The following PHF21A variants were observed in gnomAD, a reference collection of about 807,000 sequenced individuals.
PHF21A encodes the protein PHD finger protein 21A.
PHF21A carries 11 observed loss-of-function variants against 82.5 expected under a neutral mutation model. The ratio of observed to expected loss-of-function variants is 0.13; its 90% CI spans 0.08 to 0.22. The LOEUF (loss-of-function observed/expected upper bound fraction) is 0.22, where lower values mean the gene tolerates loss of function less well. Ranked by LOEUF, PHF21A falls within the 10% of genes least tolerant of loss-of-function variation. The probability of loss-of-function intolerance (pLI) is 1.00; values close to 1 mark genes in which losing one functional copy is unlikely to be tolerated. For missense variants in PHF21A, 579 were observed against 837.8 expected (o/e 0.69, Z 3.81); for synonymous variants, 297 against 302.8 (o/e 0.98, Z 0.20).
intron 3 of PHF21A, among the ~76,000 whole-genome samples, chr11:46,086,068 A>G (rs2096852981): frequency 1.3e-5 from 2 of 152,182 alleles, no homozygotes; most frequent in South Asian, 2.1e-4. Context: ...GTTATTAACA[A>G]TTTAGAAAGG....
At position 46,092,167 on chromosome 11, in the gene PHF21A, T is replaced by A. The variant is rs2096933472; in HGVS notation, c.-196+16A>T. The A allele has an allele frequency of 6.6e-6, 1 of 151,784 alleles. No individual in the cohort carries two copies. The highest frequency in any genetic ancestry group is 6.6e-5 in the Admixed American group (1 of 15,234). 9.4% of individuals were successfully genotyped at this position (151,784 alleles called of 1,614,324 possible). A position where few individuals can be genotyped will look rare whatever the true frequency, so the allele number is the denominator to read the frequency against. ...CAGGATCAGGCACACGATGTCTACC[T>A]AGTCAAAGTACTTACCAATTTTGGG... is the stretch of plus-strand genomic sequence containing the variant. On this transcript the variant is annotated intron_variant, in intron 2 of 18. Coordinates refer to ENST00000676320, the MANE Select transcript of PHF21A (RefSeq NM_001352027.3).
At chr11:45,972,339 A>T (rs760172996) in intron 7 of PHF21A, among the ~76,000 whole-genome samples, 7 of 152,192 alleles carry the variant, frequency 4.6e-5, no homozygotes, top group Non-Finnish European at 1.0e-4. Flanking sequence ...TGGCCTAAAC[A>T]TCTATCTGGA....
chr11:46,066,858 C>T (rs941646055), intron 6 of PHF21A, among the ~76,000 whole-genome samples: 3 of 152,180 alleles, frequency 2.0e-5, no homozygotes, highest in Non-Finnish European at 4.4e-5. Flanking sequence ...TTTTCCCATG[C>T]ATTTTCAAGT....
At chr11:45,943,557 C>A (rs1379157658) in intron 15 of PHF21A, among the ~76,000 whole-genome samples, 2 of 152,192 alleles carry the variant, frequency 1.3e-5, no homozygotes, top group Non-Finnish European at 2.9e-5. Context: ...TCCCTATAGG[C>A]CCTTTTCTTC....
At chr11:46,053,812 AT>A (rs920959954) in intron 6 of PHF21A, among the ~76,000 whole-genome samples, 2 of 152,218 alleles carry the variant, frequency 1.3e-5, no homozygotes, top group Admixed American at 6.5e-5. Context: ...TTCTTCAAGT[AT>A]TTTTTTGTGA....
chr11:46,091,837 AC>A (rs10718094), intron 2 of PHF21A, among the ~76,000 whole-genome samples: 152,342 of 152,342 alleles, frequency 1, 76,171 homozygotes, highest in Non-Finnish European at 1. Flanking sequence ...ATAGGCACAC[AC>A]CCACTGGGCC....
chr11:45,950,353 A>C, intron 11 of PHF21A, 96 bp from the exon 12 acceptor site: 2 of 964,090 alleles, frequency 2.1e-6, no homozygotes, highest in Non-Finnish European at 3.2e-6. Context: ...AGCCAGCCCA[A>C]TGGGCGGGTC....
At chr11:46,022,387 T>G (rs1299913880) in intron 6 of PHF21A, among the ~76,000 whole-genome samples, 1 of 152,092 alleles carries the variant, frequency 6.6e-6, no homozygotes, top group Non-Finnish European at 1.5e-5. Flanking sequence ...CCCAGGAGAT[T>G]GAGGCTGCAG....
At chr11:45,972,715 A>T (rs558922647) in intron 7 of PHF21A, among the ~76,000 whole-genome samples, 1 of 152,092 alleles carries the variant, frequency 6.6e-6, no homozygotes. Context: ...GGAGTTCGAG[A>T]CCAGCCTGGC....
intron 6 of PHF21A, among the ~76,000 whole-genome samples, chr11:46,059,554 T>C (rs911297940): frequency 1.3e-5 from 2 of 152,030 alleles, no homozygotes; most frequent in African/African-American, 4.8e-5. Context: ...GCTTCCCAAG[T>C]AGCTGGGACT....
At chr11:46,022,069 G>A (rs946582283) in intron 6 of PHF21A, among the ~76,000 whole-genome samples, 1 of 152,188 alleles carries the variant, frequency 6.6e-6, no homozygotes, top group African/African-American at 2.4e-5. Flanking sequence ...AGGAACAAGA[G>A]AATGACATAA....
intron 6 of PHF21A, among the ~76,000 whole-genome samples, chr11:45,995,431 C>G (rs1035592275): frequency 3.3e-5 from 5 of 152,144 alleles, no homozygotes; most frequent in African/African-American, 1.2e-4. Context: ...CATACCTATA[C>G]TTCACAGCAT....
chr11:45,952,662 G>A (rs968613639), intron 11 of PHF21A, among the ~76,000 whole-genome samples: 29 of 152,056 alleles, frequency 1.9e-4, no homozygotes, highest in Admixed American at 1.3e-3. Context: ...ATTACATTTC[G>A]TACTTGTTTT....
Position 46,107,528 on chromosome 11 carries a change from A to G in PHF21A, c.-237+13407T>C, listed in dbSNP as rs151158619. On this transcript the variant is annotated intron_variant, in intron 1 of 18. Coordinates refer to ENST00000676320, the MANE Select transcript of PHF21A (RefSeq NM_001352027.3). Reference sequence around the variant, plus strand: ...TTTAAATAAACTGCTACATTCTACCAGGTCCAATTCTTAGAATTTTACGGC... The same window carrying G: ...TTTAAATAAACTGCTACATTCTACCGGGTCCAATTCTTAGAATTTTACGGC... 5.7e-3 allele frequency among the ~76,000 whole-genome samples: 865 copies of G among 152,336 alleles called. 5 individuals carry two copies. Among genetic ancestry groups the G allele is most frequent in the African/African-American group, 0.02 (828 of 41,572 alleles).
chr11:45,938,392 A>G (rs556136651), intron 15 of PHF21A, 80 bp from the exon 16 acceptor site: 1 of 1,167,780 alleles, frequency 8.6e-7, no homozygotes, highest in Non-Finnish European at 1.2e-6. Context: ...CTAGATGCAT[A>G]TAAATGTTTT....
At chr11:45,948,432 C>T (rs1463886556) in intron 14 of PHF21A, among the ~76,000 whole-genome samples, 2 of 152,220 alleles carry the variant, frequency 1.3e-5, no homozygotes, top group African/African-American at 4.8e-5. Flanking sequence ...GTGGCTACCT[C>T]TTTCCTTCCT....
At chr11:46,026,173 G>A (rs919057173) in intron 6 of PHF21A, among the ~76,000 whole-genome samples, 3 of 152,100 alleles carry the variant, frequency 2.0e-5, no homozygotes, top group Non-Finnish European at 4.4e-5. Context: ...CGTTATATTT[G>A]GCTTTAAAAT....
intron 4 of PHF21A, among the ~76,000 whole-genome samples, chr11:46,081,700 G>A (rs955604479): frequency 6.6e-6 from 1 of 152,186 alleles, no homozygotes; most frequent in Non-Finnish European, 1.5e-5. Context: ...GCCAGAATGC[G>A]GCAATATTTC....
intron 6 of PHF21A, among the ~76,000 whole-genome samples, chr11:46,052,684 A>G (rs2096387291): frequency 6.6e-6 from 1 of 152,236 alleles, no homozygotes; most frequent in Admixed American, 6.5e-5. Flanking sequence ...AGAAAACATT[A>G]TATTTCTACC....
Sources: allele counts gnomAD v4.1 joint callset (sites outside exome capture counted in the v4.1 genomes callset), GRCh38; gene constraint gnomAD v4.1.1; transcripts MANE v1.5; gene names NCBI Gene and HGNC (gene_info 2026-07-23, HGNC 2026-07-21).